ADGRA1: variants seen among roughly 807,000 people sequenced by gnomAD.
ADGRA1 encodes G-protein coupled receptor 123.
In ADGRA1, 12 loss-of-function variants were observed where a neutral mutation model predicts 21.3. The observed-to-expected ratio is 0.56, with a 90% confidence interval of 0.36 to 0.91. The LOEUF is 0.91. Ranked by LOEUF, ADGRA1 falls within the 40% of genes least tolerant of loss-of-function variation. ADGRA1 has a pLI of 0.01. For missense variants in ADGRA1, 790 were observed against 805.6 expected (o/e 0.98, Z 0.23); for synonymous variants, 385 against 368.8 (o/e 1.04, Z -0.50).
intron 5 of ADGRA1, among the ~76,000 whole-genome samples, chr10:133,123,533 T>G (rs1414077464): frequency 1.3e-5 from 2 of 152,130 alleles, no homozygotes; most frequent in Non-Finnish European, 2.9e-5. Flanking sequence ...GTCCTGTAAC[T>G]GTGTGTAGCT....
Position 133,130,815 on chromosome 10 carries a change from GCACACACACCCAAACACGTGCATAT to G in ADGRA1, c.*1314_*1338del, listed in dbSNP as rs1852507498. On this transcript the variant is annotated 3_prime_UTR_variant, in exon 7 of 7. Coordinates refer to ENST00000392607, the MANE Select transcript of ADGRA1 (RefSeq NM_001083909.3). ...ACACAAACGTGCATATCACACACAC[GCACACACACCCAAACACGTGCATAT>G]CACACACACGCACACACACAAACAC... The G allele has an allele frequency of 7.2e-6, 1 of 139,760 alleles. No individual in the cohort carries two copies. The allele number at this position is 139,760 out of a possible 1,614,324, so 8.7% of individuals were successfully genotyped here.
At chr10:133,126,038 C>T (rs1054948368) in intron 5 of ADGRA1, among the ~76,000 whole-genome samples, 5 of 152,162 alleles carry the variant, frequency 3.3e-5, no homozygotes, top group Non-Finnish European at 5.9e-5. Flanking sequence ...TCCTTCCTTC[C>T]GCACAGTCCA....
Position 133,112,003 on chromosome 10 carries a change from C to A in ADGRA1, c.401+9161C>A, listed in dbSNP as rs375623403. On this transcript the variant is annotated intron_variant, in intron 5 of 6. Coordinates refer to ENST00000392607, the MANE Select transcript of ADGRA1 (RefSeq NM_001083909.3). ...CACCTCCCTCCTAATGCCTCCAGACCACCTGCCCACCACAGACACCTCCCT... is the reference window on the plus strand; with the variant it reads ...CACCTCCCTCCTAATGCCTCCAGACAACCTGCCCACCACAGACACCTCCCT... Among the ~76,000 whole-genome samples, 480 of 85,450 alleles carry A rather than the reference C, an allele frequency of 5.6e-3. 57 individuals carry two copies. The highest frequency in any genetic ancestry group is 0.037 in the Middle Eastern group (5 of 136). 56.1% of individuals were successfully genotyped at this position (85,450 alleles called of 152,430 possible). A position where few individuals can be genotyped will look rare whatever the true frequency, so the allele number is the denominator to read the frequency against.
chr10:133,123,222 T>C lies in ADGRA1; in HGVS notation c.402-4011T>C, dbSNP rs1852309281. On this transcript the variant is annotated intron_variant, in intron 5 of 6. Transcript: ENST00000392607. The stretch of plus-strand genomic sequence containing the variant: ...GCGCCCGTCCCTCTGCGCCCGTCTG[T>C]GAGCATTGCTGGCTGCGCCGTCCTC... Among the ~76,000 whole-genome samples, 4 of 152,196 alleles carry C rather than the reference T, an allele frequency of 2.6e-5. No homozygotes were observed. The South Asian group carries it at 8.3e-4, about 32-fold the overall frequency.
intron 1 of ADGRA1, 23 bp downstream of exon 1, chr10:133,088,161 G>C: frequency 1.0e-6 from 1 of 957,112 alleles, no homozygotes; most frequent in Non-Finnish European, 1.2e-6. Flanking sequence ...CGCGGGTCTG[G>C]GCGGCGGGAG....
chr10:133,116,820 A>G (rs1174474260), intron 5 of ADGRA1, among the ~76,000 whole-genome samples: 1 of 152,026 alleles, frequency 6.6e-6, no homozygotes, highest in African/African-American at 2.4e-5. Context: ...CGAGTCAGGC[A>G]AGGGGTGGGC....
chr10:133,096,838 C>G (rs1312667520), intron 2 of ADGRA1, 136 bp from the exon 3 acceptor site: 1 of 1,098,810 alleles, frequency 9.1e-7, no homozygotes, highest in Non-Finnish European at 1.3e-6. Flanking sequence ...AGGCAGCCCC[C>G]CTTCCCTGAG....
chr10:133,096,912 G>C, intron 2 of ADGRA1, 62 bp from the exon 3 acceptor site: 3 of 1,562,796 alleles, frequency 1.9e-6, no homozygotes, highest in Non-Finnish European at 1.7e-6. Context: ...AGGCTCAGGC[G>C]ACGGCGCCGC....
At chr10:133,096,927 A>T in intron 2 of ADGRA1, 47 bp from the exon 3 acceptor site, 1 of 1,585,364 alleles carries the variant, frequency 6.3e-7, no homozygotes. Context: ...CGCCGCCCAC[A>T]CAGACCCACC....
Position 133,128,704 on chromosome 10 carries a change from C to T in ADGRA1, c.876C>T (p.Gly292=), listed in dbSNP as rs780718839. ...FLDMVFSCLY[G]AFCVTLGLFV... ...ACATGGTCTTCAGCTGCCTGTACGG[C>T]GCCTTCTGCGTGACCCTGGGACTCT... is the stretch of plus-strand genomic sequence containing the variant. Residue 292 remains glycine (G), a synonymous_variant, in exon 7 of 7, where the codon GGC becomes GGT. Transcript: ENST00000392607. The T allele has an allele frequency of 2.9e-5, 46 of 1,611,968 alleles. No homozygotes were observed. Among genetic ancestry groups the T allele is most frequent in the African/African-American group, 4.0e-5 (3 of 74,912 alleles).
intron 2 of ADGRA1, 197 bp downstream of exon 2, chr10:133,089,109 C>G: frequency 9.8e-7 from 1 of 1,021,848 alleles, no homozygotes; most frequent in Non-Finnish European, 1.3e-6. Flanking sequence ...CACCTCTGCT[C>G]CCCGCGTGCT....
At chr10:133,110,613 TGA>T (rs111780901) in intron 5 of ADGRA1, among the ~76,000 whole-genome samples, 4 of 151,986 alleles carry the variant, frequency 2.6e-5, no homozygotes, top group African/African-American at 9.6e-5. Context: ...AAAGAAAGCC[TGA>T]GAGAGAGAGA....
chr10:133,112,259 C>T (rs765961215), intron 5 of ADGRA1, among the ~76,000 whole-genome samples: 1 of 152,228 alleles, frequency 6.6e-6, no homozygotes, highest in African/African-American at 2.4e-5. Context: ...TTTTGCAGTA[C>T]GGCCACCCTT....
intron 2 of ADGRA1, among the ~76,000 whole-genome samples, chr10:133,089,951 A>AC (rs1419211874): frequency 6.6e-6 from 1 of 152,130 alleles, no homozygotes; most frequent in Non-Finnish European, 1.5e-5. Flanking sequence ...CCAGGCTCCC[A>AC]CCAGCCTCAG....
chr10:133,094,119 G>A (rs915804293), intron 2 of ADGRA1, among the ~76,000 whole-genome samples: 12 of 152,258 alleles, frequency 7.9e-5, no homozygotes, highest in African/African-American at 2.2e-4. Context: ...GCCTCAGTCC[G>A]TGTGAAACCT....
chr10:133,113,188 CTGTAAGCCGCGTCGGT>C (rs1852094219), intron 5 of ADGRA1, among the ~76,000 whole-genome samples: 1 of 150,054 alleles, frequency 6.7e-6, no homozygotes. Context: ...TATTTGAGGT[CTGTAAGCCGCGTCGGT>C]TATTTGAGGT....
At position 133,129,044 on chromosome 10, in the gene ADGRA1, G is replaced by A. The variant is rs762350276; in HGVS notation, c.1216G>A (p.Ala406Thr). ...EAHVHLQEEG[A>T]FGHDPHLHGC... The stretch of plus-strand genomic sequence containing the variant: ...GCACGTGCACCTGCAGGAGGAGGGC[G>A]CCTTCGGGCACGACCCCCACCTGCA... The change falls in exon 7 of 7, where the codon GCC (alanine) becomes ACC (threonine). Residue 406 changes from alanine to threonine, a missense_variant. By Grantham distance (58) the Ala-to-Thr change is moderately conservative. Coordinates refer to ENST00000392607, the MANE Select transcript of ADGRA1 (RefSeq NM_001083909.3). The A allele has an allele frequency of 6.4e-7, 1 of 1,556,764 alleles. No individual in the cohort carries two copies. Among genetic ancestry groups the A allele is most frequent in the Non-Finnish European group, 8.7e-7 (1 of 1,149,256 alleles).
intron 5 of ADGRA1, among the ~76,000 whole-genome samples, chr10:133,111,894 C>CA (rs1852026457): frequency 1.7e-5 from 2 of 115,068 alleles, no homozygotes; most frequent in Non-Finnish European, 3.8e-5. Context: ...CCACCACAGA[C>CA]ACCTCCCTCC....
At chr10:133,111,992 TG>T (rs1564849748) in intron 5 of ADGRA1, among the ~76,000 whole-genome samples, 1,806 of 101,698 alleles carry the variant, frequency 0.018, 492 homozygotes, top group South Asian at 0.028. Context: ...TCCCTCCTAA[TG>T]CCTCCAGACC....
Sources: allele counts gnomAD v4.1 joint callset (sites outside exome capture counted in the v4.1 genomes callset), GRCh38; gene constraint gnomAD v4.1.1; transcripts MANE v1.5; gene names NCBI Gene and HGNC (gene_info 2026-07-23, HGNC 2026-07-21).